Variants in CALN1 observed in about 807,000 individuals in gnomAD.
CALN1 encodes calcium-binding protein 8.
In CALN1, 17 loss-of-function variants were observed where a neutral mutation model predicts 30.6. The observed-to-expected ratio is 0.56, with a 90% CI of 0.38 to 0.83. The LOEUF (loss-of-function observed/expected upper bound fraction) is 0.83. Among genes scored for constraint, CALN1 ranks in the 40% least tolerant of loss-of-function variants. CALN1 has a pLI of 0.00. For missense variants in CALN1, 291 were observed against 354.9 expected, an observed-to-expected ratio of 0.82 and a Z score of 1.45; for synonymous variants, 156 against 131.4, an observed-to-expected ratio of 1.19 and a Z score of -1.28.
In CALN1 at chr7:71,878,399, C is replaced by G. The variant is rs180837794; in HGVS notation, c.502-67907G>C. On this transcript the variant is annotated intron_variant, in intron 5 of 6. Transcript: ENST00000395275. Reference sequence around the variant, plus strand: ...CCTGGGCAACAGAGTGAGACCCTGTCTCAAAAAAAAAAAAAAGTATAATGT... The same window carrying G: ...CCTGGGCAACAGAGTGAGACCCTGTGTCAAAAAAAAAAAAAAGTATAATGT... Among the ~76,000 whole-genome samples the G allele has an allele frequency of 8.7e-4, 124 of 142,444 alleles. 1 individual carries two copies. Among genetic ancestry groups the G allele is most frequent in the African/African-American group, 3.3e-3 (121 of 36,886 alleles). The allele number at this position is 142,444 out of a possible 152,430, so 93.4% of individuals were successfully genotyped here.
intron 5 of CALN1, among the ~76,000 whole-genome samples, chr7:71,928,441 T>TAAAG (rs1795380417): frequency 1.4e-5 from 2 of 140,042 alleles, no homozygotes; most frequent in South Asian, 4.6e-4. Context: ...GCCATTACTT[T>TAAAG]TAATGGCAAA....
chr7:72,079,920 G>A (rs780639969), intron 4 of CALN1, among the ~76,000 whole-genome samples: 2 of 151,926 alleles, frequency 1.3e-5, no homozygotes, highest in African/African-American at 4.8e-5. Context: ...ACAGGCATCT[G>A]CCACGATGCC....
At chr7:72,391,820 GA>G (rs1805600559) in intron 2 of CALN1, among the ~76,000 whole-genome samples, 1 of 152,120 alleles carries the variant, frequency 6.6e-6, no homozygotes, top group Admixed American at 6.5e-5. Flanking sequence ...GTGGGTCCAT[GA>G]ACCCTCTTTT....
At chr7:72,354,856 A>T (rs2129559473) in intron 2 of CALN1, among the ~76,000 whole-genome samples, 1 of 152,032 alleles carries the variant, frequency 6.6e-6, no homozygotes, top group Admixed American at 6.5e-5. Flanking sequence ...AACCCAGGAG[A>T]AAATTTTTGA....
chr7:72,343,317 C>T (rs1401784411), intron 2 of CALN1, among the ~76,000 whole-genome samples: 4 of 152,034 alleles, frequency 2.6e-5, no homozygotes, highest in Non-Finnish European at 5.9e-5. Flanking sequence ...CAGGCCGACG[C>T]GGGTGGATCA....
At chr7:72,142,843 C>T (rs1296842142) in intron 3 of CALN1, among the ~76,000 whole-genome samples, 1 of 152,284 alleles carries the variant, frequency 6.6e-6, no homozygotes, top group East Asian at 1.9e-4. Flanking sequence ...GCAGCCTCCG[C>T]TACTGATACC....
At chr7:72,463,985 G>A in the CALN1 span, among the ~76,000 whole-genome samples, 3 of 106,220 alleles carry the variant, frequency 2.8e-5, no homozygotes, top group East Asian at 2.2e-4. Flanking sequence ...GGAAGGGAAG[G>A]AGGGAGGGAG....
intron 3 of CALN1, among the ~76,000 whole-genome samples, chr7:72,158,854 ATTTG>A (rs907988321): frequency 9.9e-5 from 15 of 151,798 alleles, no homozygotes; most frequent in African/African-American, 2.4e-4. Flanking sequence ...TTATTTATTT[ATTTG>A]TTTGTTTGTT....
intron 3 of CALN1, among the ~76,000 whole-genome samples, chr7:72,260,294 A>G (rs1036584348): frequency 6.6e-6 from 1 of 152,206 alleles, no homozygotes; most frequent in Non-Finnish European, 1.5e-5. Context: ...AACTGATGTT[A>G]CCCTTTTTGT....
rs573669126 is a variant in CALN1 at position 72,395,810 on chromosome 7, T to C, written c.119+7441A>G. Among the ~76,000 whole-genome samples, 8 of 152,222 alleles carry C rather than the reference T, an allele frequency of 5.3e-5. No homozygotes were observed. In the South Asian group the frequency reaches 6.2e-4, roughly 12 times the overall value. On this transcript the variant is annotated intron_variant, in intron 2 of 6. Transcript: ENST00000395275. ...AAGCAAAGCATGCTTGTTGAGCTGATAGCAGGGTGGCAAAAATCCTCCCCC... is the reference window on the plus strand; with the variant it reads ...AAGCAAAGCATGCTTGTTGAGCTGACAGCAGGGTGGCAAAAATCCTCCCCC...
chr7:72,051,033 T>TAAAC (rs1563011881), intron 4 of CALN1, among the ~76,000 whole-genome samples: 2 of 150,576 alleles, frequency 1.3e-5, no homozygotes, highest in African/African-American at 2.4e-5. Flanking sequence ...AATAAATAAA[T>TAAAC]AAATAAATAT....
At chr7:71,855,279 G>C (rs752695723) in intron 5 of CALN1, among the ~76,000 whole-genome samples, 1 of 152,182 alleles carries the variant, frequency 6.6e-6, no homozygotes, top group Non-Finnish European at 1.5e-5. Context: ...CTAAATCAGG[G>C]GGAGTAGCTC....
At chr7:71,857,456 C>G (rs2116635236) in intron 5 of CALN1, among the ~76,000 whole-genome samples, 1 of 152,274 alleles carries the variant, frequency 6.6e-6, no homozygotes, top group Admixed American at 6.5e-5. Context: ...AGGGCTCTCA[C>G]CCATTCTGGC....
At chr7:72,453,346 T>C in the CALN1 span, among the ~76,000 whole-genome samples, 1 of 152,230 alleles carries the variant, frequency 6.6e-6, no homozygotes, top group Non-Finnish European at 1.5e-5. Flanking sequence ...GTCATATTTA[T>C]ACGCACTTTT....
intron 5 of CALN1, among the ~76,000 whole-genome samples, chr7:71,994,425 T>G (rs888012922): frequency 6.8e-6 from 1 of 146,764 alleles, no homozygotes; most frequent in Non-Finnish European, 1.5e-5. Context: ...GGCAGGAGAA[T>G]CATTTGAACC....
In CALN1 at chr7:72,047,658, C is replaced by T. The variant is rs577817199; in HGVS notation, c.389-23889G>A. ...AGAACAAACAAGAACAATGACAATG[C>T]ACCAGCAAAGTCAAAGCCTACCTGG... On this transcript the variant is annotated intron_variant, in intron 4 of 6. Coordinates refer to ENST00000395275, the MANE Select transcript of CALN1 (RefSeq NM_031468.4). 6.6e-5 allele frequency among the ~76,000 whole-genome samples: 10 copies of T among 152,304 alleles called. No homozygotes were observed. In the South Asian group the frequency reaches 2.1e-3, roughly 32 times the overall value.
chr7:72,054,497 A>C (rs1365820119), intron 4 of CALN1, among the ~76,000 whole-genome samples: 1 of 110,002 alleles, frequency 9.1e-6, no homozygotes, highest in African/African-American at 5.3e-5. Flanking sequence ...ATATACATAT[A>C]TACATATATA....
At chr7:72,097,023 G>A (rs1806283218) in intron 4 of CALN1, among the ~76,000 whole-genome samples, 2 of 152,110 alleles carry the variant, frequency 1.3e-5, no homozygotes, top group African/African-American at 4.8e-5. Flanking sequence ...CATGGATGAA[G>A]CTGGAAACCA....
chr7:72,261,637 AG>A (rs1403858186), intron 3 of CALN1, among the ~76,000 whole-genome samples: 1 of 152,170 alleles, frequency 6.6e-6, no homozygotes, highest in Middle Eastern at 3.2e-3. Flanking sequence ...TATGTTGCCC[AG>A]GCAAGTCTCA....
Sources: allele counts gnomAD v4.1 joint callset (sites outside exome capture counted in the v4.1 genomes callset), GRCh38; gene constraint gnomAD v4.1.1; transcripts MANE v1.5; gene names NCBI Gene and HGNC (gene_info 2026-07-23, HGNC 2026-07-21).